Variants in SAMMSON observed in about 807,000 individuals in gnomAD.
The protein encoded by SAMMSON is long intergenic non-protein coding RNA 1212.
chr3:70,261,993 C>G (rs1415691760), intron 6 of SAMMSON, among the ~76,000 whole-genome samples: 1 of 152,114 alleles, frequency 6.6e-6, no homozygotes, highest in African/African-American at 2.4e-5. Context: ...CCTTCCTTAC[C>G]CATAAGAGTT....
At chr3:70,013,184 G>A (rs946197164) in intron 2 of SAMMSON, among the ~76,000 whole-genome samples, 3 of 152,112 alleles carry the variant, frequency 2.0e-5, no homozygotes, top group Non-Finnish European at 4.4e-5. Flanking sequence ...TGATAATCAT[G>A]ATTTTAAGTT....
chr3:70,128,669 G>C (rs1020798550), intron 4 of SAMMSON, among the ~76,000 whole-genome samples: 1 of 151,988 alleles, frequency 6.6e-6, no homozygotes, highest in African/African-American at 2.4e-5. Flanking sequence ...TTCATCTTTC[G>C]ATTGTCTGAC....
At chr3:70,264,910 A>G (rs1334780870) in intron 6 of SAMMSON, among the ~76,000 whole-genome samples, 1 of 152,214 alleles carries the variant, frequency 6.6e-6, no homozygotes, top group East Asian at 1.9e-4. Context: ...TAATTGACTC[A>G]TAGTTCCACA....
chr3:70,308,898 G>A (rs937498687), intron 7 of SAMMSON, among the ~76,000 whole-genome samples: 4 of 152,148 alleles, frequency 2.6e-5, no homozygotes, highest in Admixed American at 2.6e-4. Flanking sequence ...TGAAGTGCTT[G>A]TTCCAAGCCG....
At chr3:70,038,450 A>G (rs1021278184) in intron 3 of SAMMSON, among the ~76,000 whole-genome samples, 1 of 151,996 alleles carries the variant, frequency 6.6e-6, no homozygotes, top group Non-Finnish European at 1.5e-5. Context: ...CCAATTTTGA[A>G]CTTTCCAGCC....
At chr3:70,431,124 A>G (rs530623350) in intron 2 of SAMMSON, among the ~76,000 whole-genome samples, 34 of 152,238 alleles carry the variant, frequency 2.2e-4, no homozygotes, top group Middle Eastern at 3.4e-3. Flanking sequence ...ATGAGACCAT[A>G]AAAACTTACG....
At chr3:70,210,510 T>C (rs1217806501) in intron 4 of SAMMSON, among the ~76,000 whole-genome samples, 1 of 152,144 alleles carries the variant, frequency 6.6e-6, no homozygotes, top group Non-Finnish European at 1.5e-5. Flanking sequence ...ATGCTAACAA[T>C]AATTTCATCA....
chr3:70,422,156 G>A (rs935398879), intron 2 of SAMMSON, among the ~76,000 whole-genome samples: 1 of 151,886 alleles, frequency 6.6e-6, no homozygotes, highest in African/African-American at 2.4e-5. Flanking sequence ...TATTTAATAA[G>A]AGGTGTATAT....
chr3:70,148,297 A>C lies in SAMMSON; in HGVS notation n.507+76732A>C, dbSNP rs575518597. On this transcript the variant is annotated intron_variant and non_coding_transcript_variant, in intron 4 of 9. Transcript: ENST00000642114. ...TAGTAGGTATTTACCTTAGAGGAAT[A>C]AAAACAAGTTCACACAAGAAACTAC... Among the ~76,000 whole-genome samples the C allele has an allele frequency of 8.5e-5, 13 of 152,254 alleles. No homozygotes were observed. In the South Asian group the frequency reaches 2.5e-3, roughly 29 times the overall value.
chr3:70,304,429 C>T (rs1211402779), intron 7 of SAMMSON, among the ~76,000 whole-genome samples: 4 of 152,174 alleles, frequency 2.6e-5, no homozygotes, highest in Non-Finnish European at 4.4e-5. Flanking sequence ...GGGGATACCT[C>T]AGAGGCATTT....
intron 4 of SAMMSON, among the ~76,000 whole-genome samples, chr3:70,112,953 G>T (rs1049154347): frequency 6.6e-6 from 1 of 152,112 alleles, no homozygotes; most frequent in African/African-American, 2.4e-5. Flanking sequence ...GGAGTATTGA[G>T]TGCTTTCTAT....
At chr3:70,306,747 T>C (rs1034344695) in intron 7 of SAMMSON, among the ~76,000 whole-genome samples, 1 of 152,168 alleles carries the variant, frequency 6.6e-6, no homozygotes, top group African/African-American at 2.4e-5. Flanking sequence ...TTTCCCCTAT[T>C]GGTGACAATT....
intron 3 of SAMMSON, among the ~76,000 whole-genome samples, chr3:70,022,720 AT>A (rs1414287750): frequency 6.6e-6 from 1 of 152,190 alleles, no homozygotes; most frequent in African/African-American, 2.4e-5. Context: ...CCATTAAATA[AT>A]TCACTGATTC....
intron 4 of SAMMSON, among the ~76,000 whole-genome samples, chr3:70,113,690 T>A (rs1183528250): frequency 6.6e-6 from 1 of 152,202 alleles, no homozygotes; most frequent in East Asian, 1.9e-4. Context: ...TGTATTTTTA[T>A]GTCCCCTTGA....
At chr3:70,124,532 G>T (rs928005154) in intron 4 of SAMMSON, among the ~76,000 whole-genome samples, 1 of 152,044 alleles carries the variant, frequency 6.6e-6, no homozygotes, top group Non-Finnish European at 1.5e-5. Context: ...TGTACCTGTG[G>T]CCGAGTACCG....
chr3:70,047,462 G>A (rs1376959032), intron 3 of SAMMSON, among the ~76,000 whole-genome samples: 3 of 151,220 alleles, frequency 2.0e-5, no homozygotes, highest in South Asian at 2.1e-4. Flanking sequence ...TCAGCCTCCC[G>A]AGTAGCTGGA....
intron 3 of SAMMSON, among the ~76,000 whole-genome samples, chr3:70,039,520 CCA>C (rs1160286164): frequency 6.6e-6 from 1 of 151,116 alleles, no homozygotes; most frequent in East Asian, 1.9e-4. Context: ...AGCCAGATGG[CCA>C]CACTGAAGAT....
intron 4 of SAMMSON, among the ~76,000 whole-genome samples, chr3:70,169,101 TG>T (rs1402100917): frequency 6.6e-6 from 1 of 151,976 alleles, no homozygotes; most frequent in Non-Finnish European, 1.5e-5. Flanking sequence ...GTTTCTATCA[TG>T]GAAAGTGGTT....
chr3:70,256,484 G>GACCTC (rs1251254755), intron 6 of SAMMSON, among the ~76,000 whole-genome samples: 1 of 152,148 alleles, frequency 6.6e-6, no homozygotes, highest in African/African-American at 2.4e-5. Context: ...AGGGTCTCAG[G>GACCTC]ACCTCATTTA....
Sources: gnomAD v4.1 joint callset for allele counts (sites outside exome capture counted in the v4.1 genomes callset) on GRCh38, gnomAD v4.1.1 for gene constraint, MANE v1.5 for transcripts, NCBI Gene and HGNC (gene_info 2026-07-23, HGNC 2026-07-21) for gene names.